Variants in ECD observed in about 807,000 individuals in gnomAD.
The protein encoded by ECD is protein ecdysoneless homolog.
Under a neutral mutation model 77.2 loss-of-function variants are expected in ECD, and 59 were observed. That is an observed-to-expected ratio of 0.76 (90% confidence interval 0.62 to 0.95). The LOEUF (loss-of-function observed/expected upper bound fraction) is 0.95, where lower values mean the gene tolerates loss of function less well. Among genes scored for constraint, ECD ranks in the 40% least tolerant of loss-of-function variants. ECD has a pLI of 0.00. For missense variants in ECD, 704 were observed against 763.4 expected (o/e 0.92, Z 0.92); for synonymous variants, 233 against 267.4 (o/e 0.87, Z 1.26).
In ECD at chr10:73,134,257, G is replaced by T; in HGVS notation, c.*326C>A. 1 of 193,190 alleles carries T rather than the reference G, an allele frequency of 5.2e-6. No homozygotes were observed. Among genetic ancestry groups the T allele is most frequent in the South Asian group, 1.4e-4 (1 of 6,954 alleles). 12.0% of individuals were successfully genotyped at this position (193,190 alleles called of 1,614,324 possible). ...TGAAATTTTGATCTGAGGATGAATA[G>T]CAGTAAGGGAGAAATTTAAATATTT... On this transcript the variant is annotated 3_prime_UTR_variant, in exon 14 of 14. Coordinates refer to ENST00000372979, the MANE Select transcript of ECD (RefSeq NM_007265.3).
Position 73,156,572 on chromosome 10 carries a change from T to C in ECD, c.407A>G (p.Asn136Ser), listed in dbSNP as rs1379091633. ...PKWLDPENSTNRVFFCHGELC... is the reference protein window; with the variant it reads ...PKWLDPENSTSRVFFCHGELC... ...TCTAAACTTGGGTATACTTACCCTA[T>C]TGGTGCTATTTTCAGGATCCAGCCA... Residue 136 changes from asparagine (N) to serine (S), a missense_variant, in exon 4 of 14, where the codon AAT (asparagine) becomes AGT (serine). Physicochemically the swap from Asn to Ser is conservative, Grantham distance 46. Coordinates refer to ENST00000372979, the MANE Select transcript of ECD (RefSeq NM_007265.3). The C allele has an allele frequency of 6.2e-7, 1 of 1,614,164 alleles. No homozygotes were observed. Among genetic ancestry groups the C allele is most frequent in the Admixed American group, 1.7e-5 (1 of 60,032 alleles).
At chr10:73,163,555 AT>A (rs917438062) in intron 2 of ECD, among the ~76,000 whole-genome samples, 177 bp downstream of exon 2, 32 of 152,048 alleles carry the variant, frequency 2.1e-4, no homozygotes, top group South Asian at 1.7e-3. Flanking sequence ...CATTAATATG[AT>A]TTTTTTTAAA....
chr10:73,141,816 T>TTTGCAAGG, intron 9 of ECD, among the ~76,000 whole-genome samples: 1 of 152,354 alleles, frequency 6.6e-6, no homozygotes, highest in Admixed American at 6.5e-5. Flanking sequence ...ATGCAAATGT[T>TTTGCAAGG]TATCCAATTA....
Position 73,145,356 on chromosome 10 carries a change from T to TA in ECD, c.1127+919dup, listed in dbSNP as rs575871063. ...TCTCTGTCTAAAATAAATAAATAAA[T>TA]AATAATAACAATAAATGAAAAAAAG... On this transcript the variant is annotated intron_variant, in intron 9 of 13. Coordinates refer to ENST00000372979, the MANE Select transcript of ECD (RefSeq NM_007265.3). 2.6e-3 allele frequency among the ~76,000 whole-genome samples: 399 copies of TA among 151,452 alleles called. 1 individual carries two copies. The highest frequency in any genetic ancestry group is 9.2e-3 in the African/African-American group (380 of 41,254).
chr10:73,139,250 C>A, intron 11 of ECD, 59 bp downstream of exon 11: 15 of 1,425,002 alleles, frequency 1.1e-5, no homozygotes, highest in African/African-American at 1.4e-5. Context: ...ATGGCAATGA[C>A]TATGACTTCA....
intron 9 of ECD, among the ~76,000 whole-genome samples, chr10:73,144,128 G>C (rs1001709813): frequency 2.6e-5 from 4 of 152,044 alleles, no homozygotes; most frequent in Admixed American, 2.6e-4. Flanking sequence ...TCCTAAATCA[G>C]ATATATGTAA....
intron 7 of ECD, 67 bp from the exon 8 acceptor site, chr10:73,148,471 A>AC: frequency 6.4e-7 from 1 of 1,551,954 alleles, no homozygotes; most frequent in South Asian, 1.2e-5. Flanking sequence ...ATAACACATT[A>AC]CTTTTTTTCC....
chr10:73,158,322 A>T (rs1843327984), intron 3 of ECD, among the ~76,000 whole-genome samples: 1 of 152,170 alleles, frequency 6.6e-6, no homozygotes, highest in Non-Finnish European at 1.5e-5. Flanking sequence ...CGCACCACAC[A>T]CAAAAAAATA....
chr10:73,153,225 C>T (rs954514256), intron 6 of ECD, among the ~76,000 whole-genome samples: 1 of 151,646 alleles, frequency 6.6e-6, no homozygotes, highest in Non-Finnish European at 1.5e-5. Context: ...TCCGAAGTAG[C>T]GGGGATTACA....
At chr10:73,159,344 T>C (rs1843344171) in intron 3 of ECD, among the ~76,000 whole-genome samples, 2 of 152,252 alleles carry the variant, frequency 1.3e-5, no homozygotes, top group Non-Finnish European at 2.9e-5. Context: ...TCTCTTTAAA[T>C]TGTTTCTGTG....
chr10:73,161,911 T>A (rs1475275978), intron 2 of ECD, among the ~76,000 whole-genome samples: 3 of 152,198 alleles, frequency 2.0e-5, no homozygotes, highest in Admixed American at 2.0e-4. Flanking sequence ...ATATCCCACA[T>A]TAACAGAATG....
intron 9 of ECD, among the ~76,000 whole-genome samples, chr10:73,141,943 T>A (rs1282567928): frequency 6.6e-6 from 1 of 152,180 alleles, no homozygotes. Flanking sequence ...CATAAGTATC[T>A]CTGTGCATAG....
At chr10:73,151,516 T>A (rs928991424) in intron 7 of ECD, among the ~76,000 whole-genome samples, 1 of 142,448 alleles carries the variant, frequency 7.0e-6, no homozygotes. Flanking sequence ...CCCTAAAACT[T>A]AAAGCATAAT....
At chr10:73,137,723 C>T (rs969152771) in intron 12 of ECD, among the ~76,000 whole-genome samples, 1 of 151,514 alleles carries the variant, frequency 6.6e-6, no homozygotes, top group African/African-American at 2.4e-5. Flanking sequence ...TTGCAGTGAG[C>T]CGAGATCGTG....
At chr10:73,144,168 T>C (rs1781357695) in intron 9 of ECD, among the ~76,000 whole-genome samples, 1 of 152,234 alleles carries the variant, frequency 6.6e-6, no homozygotes, top group African/African-American at 2.4e-5. Flanking sequence ...AACTACTAGA[T>C]AGCAGGCTAT....
chr10:73,161,139 G>T (rs1224519806), intron 2 of ECD, among the ~76,000 whole-genome samples: 1 of 148,288 alleles, frequency 6.7e-6, no homozygotes, highest in Admixed American at 6.7e-5. Flanking sequence ...AGTTGTGAAA[G>T]ATCTCAAATC....
chr10:73,154,500 ATTC>A, intron 5 of ECD, 52 bp from the exon 6 acceptor site: 1 of 1,457,854 alleles, frequency 6.9e-7, no homozygotes, highest in Non-Finnish European at 9.1e-7. Context: ...AATACCTATA[ATTC>A]TTATACCATT....
At chr10:73,136,364 C>T (rs146018802) in intron 13 of ECD, among the ~76,000 whole-genome samples, 12 of 152,258 alleles carry the variant, frequency 7.9e-5, no homozygotes, top group African/African-American at 2.9e-4. Flanking sequence ...CATGTGCCCT[C>T]TCTTTTTTAA....
chr10:73,166,345 GTGGGAC>G (rs1409355896), intron 1 of ECD, among the ~76,000 whole-genome samples: 10 of 152,274 alleles, frequency 6.6e-5, no homozygotes, highest in Non-Finnish European at 4.4e-5. Flanking sequence ...ATACCCAACA[GTGGGAC>G]TGCTGGATCA....
Sources: gnomAD v4.1 joint callset for allele counts (sites outside exome capture counted in the v4.1 genomes callset) on GRCh38, gnomAD v4.1.1 for gene constraint, MANE v1.5 for transcripts, NCBI Gene and HGNC (gene_info 2026-07-23, HGNC 2026-07-21) for gene names.